The following C12orf42 variants were observed in gnomAD, a reference collection of about 807,000 sequenced individuals.
C12orf42 encodes the protein uncharacterized protein C12orf42.
In C12orf42, 25 loss-of-function variants were observed where a neutral mutation model predicts 21.6. The observed-to-expected ratio is 1.16, with a 90% CI of 0.84 to 1.62. C12orf42 has a LOEUF of 1.62. C12orf42 is among the 40% of genes most tolerant of loss of function. The probability of loss-of-function intolerance (pLI) is 0.00; values close to 1 mark genes in which losing one functional copy is unlikely to be tolerated. For missense variants in C12orf42, 483 were observed against 459.3 expected (o/e 1.05, Z -0.47); for synonymous variants, 174 against 175.0 (o/e 0.99, Z 0.05).
chr12:103,155,345 G>A, the C12orf42 span: 1 of 152,040 alleles, frequency 6.6e-6, no homozygotes, highest in Admixed American at 6.6e-5. Context: ...ACATTTTTGT[G>A]GTTATTCAAT....
intron 2 of C12orf42, among the ~76,000 whole-genome samples, chr12:103,458,295 C>A (rs1952450144): frequency 6.6e-6 from 1 of 151,918 alleles, no homozygotes. Context: ...TCCACAGACT[C>A]TGAAACTAGG....
chr12:103,400,129 G>A (rs1054822712), intron 3 of C12orf42, among the ~76,000 whole-genome samples: 9 of 152,138 alleles, frequency 5.9e-5, no homozygotes, highest in Non-Finnish European at 1.2e-4. Flanking sequence ...AGAGAAGAAA[G>A]AGAGAGGAAG....
the C12orf42 span, among the ~76,000 whole-genome samples, chr12:103,065,956 C>T: frequency 2.0e-5 from 3 of 152,190 alleles, no homozygotes; most frequent in African/African-American, 4.8e-5. Context: ...GTATAAGCTG[C>T]TCTGCCACTT....
rs573751118 is a variant in C12orf42, at chr12:103,475,266, G to A, written c.78+3083C>T. 2.6e-5 allele frequency among the ~76,000 whole-genome samples: 4 copies of A among 152,270 alleles called. No homozygotes were observed. The East Asian group carries it at 7.7e-4, about 29-fold the overall frequency. On this transcript the variant is annotated intron_variant, in intron 2 of 5. Coordinates refer to ENST00000548883, the MANE Select transcript of C12orf42 (RefSeq NM_198521.5). ...CAGTCAATCCTGCTGCCCCACACTG[G>A]GCCCCCACAGTTGTGCTCTGCTATT...
At chr12:103,469,722 A>G (rs771650949) in intron 2 of C12orf42, among the ~76,000 whole-genome samples, 6 of 152,214 alleles carry the variant, frequency 3.9e-5, no homozygotes, top group Non-Finnish European at 8.8e-5. Flanking sequence ...GGATGTTTCA[A>G]CATATTTGAT....
rs2047986706 is a variant in C12orf42, at chr12:103,401,488, T to A, written c.147+119A>T. The A allele has an allele frequency of 1.9e-5, 15 of 789,964 alleles. No homozygotes were observed. In the South Asian group the frequency reaches 2.5e-4, roughly 13 times the overall value. The allele number at this position is 789,964 out of a possible 1,614,324, so 48.9% of individuals were successfully genotyped here. A position where few individuals can be genotyped will look rare whatever the true frequency, so the allele number is the denominator to read the frequency against. ...TCTTCTTATTTTAAAATGTAAAAAA[T>A]CCTTTACTAGCTATAAAGTCAAAAA... On this transcript the variant is annotated intron_variant, in intron 3 of 5. Coordinates refer to ENST00000548883, the MANE Select transcript of C12orf42 (RefSeq NM_198521.5).
At chr12:103,355,154 C>A (rs1322253102) in intron 4 of C12orf42, among the ~76,000 whole-genome samples, 3 of 152,086 alleles carry the variant, frequency 2.0e-5, no homozygotes, top group Admixed American at 2.0e-4. Flanking sequence ...GAAAAATCAC[C>A]ATGACCAATA....
the C12orf42 span, among the ~76,000 whole-genome samples, chr12:103,205,007 T>C: frequency 1.3e-5 from 2 of 152,148 alleles, no homozygotes; most frequent in Non-Finnish European, 2.9e-5. Context: ...TTTGAAAAGA[T>C]GCTCAAACTG....
rs570989606 is a variant in C12orf42 at position 103,330,732 on chromosome 12, A to T, written c.260-24387T>A. 1.8e-4 allele frequency among the ~76,000 whole-genome samples: 27 copies of T among 152,324 alleles called. No homozygotes were observed. In the South Asian group the frequency reaches 2.1e-3, roughly 12 times the overall value. ...CTTTTCACAACCTATATAATCTTGA[A>T]TTATAGTTCTCTATGTTCTTACCTG... On this transcript the variant is annotated intron_variant, in intron 4 of 5. Transcript: ENST00000548883.
chr12:103,546,265 T>C, the C12orf42 span, among the ~76,000 whole-genome samples: 6 of 152,334 alleles, frequency 3.9e-5, no homozygotes, highest in East Asian at 1.2e-3. Context: ...ATATAGATTT[T>C]TTGAAAATGA....
intron 2 of C12orf42, among the ~76,000 whole-genome samples, chr12:103,452,360 C>T (rs1468747645): frequency 6.6e-6 from 1 of 152,030 alleles, no homozygotes; most frequent in African/African-American, 2.4e-5. Flanking sequence ...TCATAAATCA[C>T]ATAAAATCGT....
At chr12:103,143,996 T>C in the C12orf42 span, among the ~76,000 whole-genome samples, 2 of 152,224 alleles carry the variant, frequency 1.3e-5, no homozygotes, top group Non-Finnish European at 2.9e-5. Context: ...TCAAATAACA[T>C]AACATAGCAT....
chr12:103,121,349 C>T, the C12orf42 span, among the ~76,000 whole-genome samples: 12 of 152,184 alleles, frequency 7.9e-5, no homozygotes, highest in South Asian at 2.1e-4. Context: ...ATTGACTTGT[C>T]CTGGTCAGCA....
chr12:103,320,317 A>G (rs2039966213), intron 4 of C12orf42, among the ~76,000 whole-genome samples: 1 of 152,228 alleles, frequency 6.6e-6, no homozygotes, highest in African/African-American at 2.4e-5. Flanking sequence ...ATTACACCAA[A>G]TGGTATCTCC....
intron 2 of C12orf42, among the ~76,000 whole-genome samples, chr12:103,471,342 T>C (rs78951011): frequency 0.015 from 2,238 of 152,336 alleles, 67 homozygotes; most frequent in African/African-American, 0.051. Context: ...TTCTCTGCTC[T>C]GTATTTTTCC....
the C12orf42 span, among the ~76,000 whole-genome samples, chr12:103,550,118 A>G: frequency 1.3e-5 from 2 of 152,166 alleles, no homozygotes; most frequent in East Asian, 1.9e-4. Context: ...AATGAAAAAT[A>G]TAAAAAAGAA....
chr12:103,308,827 C>A (rs575939094), intron 4 of C12orf42, among the ~76,000 whole-genome samples: 10 of 152,292 alleles, frequency 6.6e-5, no homozygotes, highest in Non-Finnish European at 1.2e-4. Context: ...GGTCCTTAAT[C>A]CAATATGACT....
chr12:103,425,173 G>A (rs1232832551), intron 2 of C12orf42, among the ~76,000 whole-genome samples: 5 of 152,192 alleles, frequency 3.3e-5, no homozygotes, highest in African/African-American at 1.2e-4. Flanking sequence ...TGAAAGAAAG[G>A]CAGAAGCTCC....
At chr12:103,506,178 A>G in the C12orf42 span, 6 of 157,866 alleles carry the variant, frequency 3.8e-5, no homozygotes, top group Middle Eastern at 3.1e-3. Flanking sequence ...AAACTTTTCA[A>G]AGAATAAGAC....
Sources: gnomAD v4.1 joint callset for allele counts (sites outside exome capture counted in the v4.1 genomes callset) on GRCh38, gnomAD v4.1.1 for gene constraint, MANE v1.5 for transcripts, NCBI Gene and HGNC (gene_info 2026-07-23, HGNC 2026-07-21) for gene names.